The following FHIT variants were observed in gnomAD, a reference collection of about 807,000 sequenced individuals.
FHIT encodes the protein bis(5'-adenosyl)-triphosphatase.
FHIT carries 19 observed loss-of-function variants against 17.9 expected under a neutral mutation model. The ratio of observed to expected loss-of-function variants is 1.06; its 90% CI spans 0.74 to 1.56. FHIT has a LOEUF of 1.56. FHIT is among the 40% of genes most tolerant of loss of function. FHIT has a pLI of 0.00. For missense variants in FHIT, 248 were observed against 189.2 expected (o/e 1.31, Z -1.82); for synonymous variants, 81 against 69.7 (o/e 1.16, Z -0.81).
chr3:60,612,339 T>C (rs894807969), intron 4 of FHIT, among the ~76,000 whole-genome samples: 5 of 152,196 alleles, frequency 3.3e-5, no homozygotes, highest in Non-Finnish European at 7.3e-5. Flanking sequence ...TGAATCATCA[T>C]AGCAAATATA....
At chr3:59,944,021 G>A (rs1706670955) in intron 7 of FHIT, among the ~76,000 whole-genome samples, 1 of 152,092 alleles carries the variant, frequency 6.6e-6, no homozygotes, top group Non-Finnish European at 1.5e-5. Flanking sequence ...AAAGTCCTAG[G>A]ACTCAGTACT....
Position 60,643,213 on chromosome 3 carries a change from A to G in FHIT, c.-17-106234T>C, listed in dbSNP as rs74571627. ...AGACCATCTACGTTTTTCCCTTTCA[A>G]TGTACAACATGATTTTGTTTTCTTT... On this transcript the variant is annotated intron_variant, in intron 4 of 9. Coordinates refer to ENST00000492590, the MANE Select transcript of FHIT (RefSeq NM_002012.4). 1.6e-4 allele frequency among the ~76,000 whole-genome samples: 24 copies of G among 152,040 alleles called. No homozygotes were observed. In the East Asian group the frequency reaches 4.7e-3, roughly 30 times the overall value.
At chr3:60,878,403 C>T (rs1244880739) in intron 3 of FHIT, among the ~76,000 whole-genome samples, 1 of 152,042 alleles carries the variant, frequency 6.6e-6, no homozygotes, top group Non-Finnish European at 1.5e-5. Context: ...TAATTATCCC[C>T]ATTGTGAGGA....
chr3:60,655,977 G>A (rs2040104926), intron 4 of FHIT, among the ~76,000 whole-genome samples: 1 of 152,110 alleles, frequency 6.6e-6, no homozygotes, highest in Admixed American at 6.5e-5. Context: ...GAACAGCCTG[G>A]GTAAACTTAT....
At chr3:59,751,055 G>A (rs1425328618) in intron 9 of FHIT, 2 of 180,918 alleles carry the variant, frequency 1.1e-5, no homozygotes, top group South Asian at 2.0e-4. Flanking sequence ...ACTATTTATA[G>A]GAGAGGATCT....
intron 5 of FHIT, among the ~76,000 whole-genome samples, chr3:60,227,637 T>C (rs962415587): frequency 6.6e-6 from 1 of 152,136 alleles, no homozygotes; most frequent in Non-Finnish European, 1.5e-5. Context: ...TACCTCCAAT[T>C]AGGTAAATCA....
At chr3:60,780,825 G>A (rs928262889) in intron 4 of FHIT, among the ~76,000 whole-genome samples, 8 of 152,258 alleles carry the variant, frequency 5.3e-5, no homozygotes, top group African/African-American at 1.4e-4. Context: ...GCCTCAGAAA[G>A]TTCACCATGT....
chr3:60,952,022 T>C (rs1708906262), intron 3 of FHIT, among the ~76,000 whole-genome samples: 1 of 151,746 alleles, frequency 6.6e-6, no homozygotes, highest in African/African-American at 2.4e-5. Context: ...AAAAATTAGC[T>C]GGGCATGGTG....
At chr3:60,088,053 C>T (rs747476436) in intron 5 of FHIT, among the ~76,000 whole-genome samples, 7 of 152,188 alleles carry the variant, frequency 4.6e-5, no homozygotes, top group Non-Finnish European at 8.8e-5. Flanking sequence ...TGCTTACACT[C>T]ATGGTGGAAG....
At position 59,990,941 on chromosome 3, in the gene FHIT, G is replaced by C. The variant is rs1709202744; in HGVS notation, c.279+20430C>G. Among the ~76,000 whole-genome samples the C allele has an allele frequency of 0.021, 5 of 238 alleles. No individual in the cohort carries two copies. In the South Asian group the frequency reaches 0.31, roughly 15 times the overall value. The allele number at this position is 238 out of a possible 152,430, so 0.2% of individuals were successfully genotyped here. A position where few individuals can be genotyped will look rare whatever the true frequency, so the allele number is the denominator to read the frequency against. ...AAACACATAGTAATGTGGAAAGAAG[G>C]ACTCTATAGAGTTGAACAGGGTTAT... On this transcript the variant is annotated intron_variant, in intron 7 of 9. Coordinates refer to ENST00000492590, the MANE Select transcript of FHIT (RefSeq NM_002012.4).
chr3:59,823,346 A>G (rs1169056262), intron 8 of FHIT, among the ~76,000 whole-genome samples: 2 of 152,154 alleles, frequency 1.3e-5, no homozygotes, highest in Non-Finnish European at 2.9e-5. Context: ...TGGTATTTTT[A>G]TGGGAATTGC....
At chr3:60,751,044 A>G (rs956476214) in intron 4 of FHIT, among the ~76,000 whole-genome samples, 11 of 152,338 alleles carry the variant, frequency 7.2e-5, no homozygotes, top group African/African-American at 2.4e-4. Flanking sequence ...GTGACTAACA[A>G]ACTGCTGTCT....
intron 5 of FHIT, among the ~76,000 whole-genome samples, chr3:60,275,509 A>G (rs181793910): frequency 6.6e-6 from 1 of 152,342 alleles, no homozygotes; most frequent in East Asian, 1.9e-4. Flanking sequence ...ATCTAAAATC[A>G]TAGCTTTGCT....
At chr3:60,581,577 TTAGATTCATATCTA>T (rs1368285019) in intron 4 of FHIT, among the ~76,000 whole-genome samples, 1 of 152,136 alleles carries the variant, frequency 6.6e-6, no homozygotes, top group African/African-American at 2.4e-5. Context: ...AAGTAAAACA[TTAGATTCATATCTA>T]TAATGAACTA....
chr3:59,876,550 C>T (rs1703170785), intron 8 of FHIT, among the ~76,000 whole-genome samples: 1 of 152,056 alleles, frequency 6.6e-6, no homozygotes, highest in Admixed American at 6.5e-5. Flanking sequence ...ACTTAGGGCA[C>T]AAAACAGTCT....
Position 60,840,188 on chromosome 3 carries a change from C to T in FHIT, c.-110-18177G>A, listed in dbSNP as rs114466988. Reference sequence around the variant, plus strand: ...AAGGTGTGAACTAGAATACAATAGACAGCGAGGAAGGAGCCAAAAATCCTC... The same window carrying T: ...AAGGTGTGAACTAGAATACAATAGATAGCGAGGAAGGAGCCAAAAATCCTC... On this transcript the variant is annotated intron_variant, in intron 3 of 9. Coordinates refer to ENST00000492590, the MANE Select transcript of FHIT (RefSeq NM_002012.4). Among the ~76,000 whole-genome samples the T allele has an allele frequency of 2.0e-3, 297 of 152,270 alleles. 3 individuals are homozygous for T. The highest frequency in any genetic ancestry group is 6.8e-3 in the African/African-American group (282 of 41,558).
intron 7 of FHIT, among the ~76,000 whole-genome samples, chr3:59,933,674 G>A (rs991593085): frequency 2.6e-5 from 4 of 152,104 alleles, no homozygotes; most frequent in African/African-American, 9.7e-5. Flanking sequence ...GAACCATCCA[G>A]CTTTAGGCCT....
At chr3:59,947,065 C>CAAA (rs779596562) in intron 7 of FHIT, among the ~76,000 whole-genome samples, 7 of 152,144 alleles carry the variant, frequency 4.6e-5, no homozygotes, top group Non-Finnish European at 1.0e-4. Flanking sequence ...CTACATTTTT[C>CAAA]AGAATAGTTT....
chr3:60,997,784 T>C (rs1241058247), intron 3 of FHIT, among the ~76,000 whole-genome samples: 2 of 152,112 alleles, frequency 1.3e-5, no homozygotes, highest in East Asian at 3.9e-4. Context: ...TTAAAAAAGA[T>C]TAAAGACAAA....
Sources: allele counts gnomAD v4.1 joint callset (sites outside exome capture counted in the v4.1 genomes callset), GRCh38; gene constraint gnomAD v4.1.1; transcripts MANE v1.5; gene names NCBI Gene and HGNC (gene_info 2026-07-23, HGNC 2026-07-21).